Variants in KPNA3 observed in about 807,000 individuals in gnomAD.
KPNA3 encodes importin subunit alpha-4.
In KPNA3, 13 loss-of-function variants were observed where a neutral mutation model predicts 73.8. The observed-to-expected ratio is 0.18, with a 90% CI of 0.11 to 0.28. The LOEUF (loss-of-function observed/expected upper bound fraction) is 0.28, where lower values mean the gene tolerates loss of function less well. Among genes scored for constraint, KPNA3 ranks in the 10% least tolerant of loss-of-function variants. The pLI is 1.00. For missense variants in KPNA3, 360 were observed against 618.1 expected, an observed-to-expected ratio of 0.58 and a Z score of 4.43; for synonymous variants, 186 against 206.9, an observed-to-expected ratio of 0.90 and a Z score of 0.87.
intron 1 of KPNA3, among the ~76,000 whole-genome samples, chr13:49,780,479 G>A (rs1243256632): frequency 6.6e-6 from 1 of 152,040 alleles, no homozygotes; most frequent in African/African-American, 2.4e-5. Flanking sequence ...GAGACCTTGA[G>A]GGTTTTCTGT....
chr13:49,755,004 A>T (rs1329702446), intron 1 of KPNA3, among the ~76,000 whole-genome samples: 3 of 152,134 alleles, frequency 2.0e-5, no homozygotes, highest in African/African-American at 7.2e-5. Context: ...TACACTTCTC[A>T]ATTCACTTTA....
Position 49,701,400 on chromosome 13 carries a change from A to C in KPNA3, c.*400T>G. On this transcript the variant is annotated 3_prime_UTR_variant, in exon 17 of 17. Transcript: ENST00000261667. ...CACACTGCACCTCTTTAGTCTTCCA[A>C]CTTGTATATGCATCATACCAAAGTG... is the stretch of plus-strand genomic sequence containing the variant. 2.3e-6 allele frequency: 1 copy of C among 429,248 alleles called. No homozygotes were observed. Among genetic ancestry groups the C allele is most frequent in the Non-Finnish European group, 4.9e-6 (1 of 204,904 alleles). The allele number at this position is 429,248 out of a possible 1,614,324, so 26.6% of individuals were successfully genotyped here.
intron 12 of KPNA3, among the ~76,000 whole-genome samples, chr13:49,707,514 A>T (rs1327695523): frequency 1.3e-5 from 2 of 152,134 alleles, no homozygotes; most frequent in East Asian, 3.8e-4. Context: ...CAAGGCAAAA[A>T]ATTTTTGAAG....
chr13:49,746,686 C>T (rs1011388430), intron 2 of KPNA3, among the ~76,000 whole-genome samples: 2 of 152,054 alleles, frequency 1.3e-5, no homozygotes, highest in African/African-American at 4.8e-5. Flanking sequence ...AGAGGAAGCC[C>T]ACAGAAAGAG....
chr13:49,749,994 T>C (rs1954648676), intron 1 of KPNA3, among the ~76,000 whole-genome samples: 2 of 152,236 alleles, frequency 1.3e-5, no homozygotes, highest in Admixed American at 1.3e-4. Flanking sequence ...TACCCTCATG[T>C]CTGCAATTAC....
At chr13:49,791,321 G>A (rs1171337066) in intron 1 of KPNA3, among the ~76,000 whole-genome samples, 1 of 152,172 alleles carries the variant, frequency 6.6e-6, no homozygotes, top group African/African-American at 2.4e-5. Context: ...GAAGGCTGCG[G>A]CCTTAAAACC....
rs7998294 is a variant in KPNA3, at chr13:49,711,035, C to A, written c.772-13G>T. On this transcript the variant is annotated splice_polypyrimidine_tract_variant and intron_variant, in intron 10 of 16. Transcript: ENST00000261667. ...TGTCTACAAGAATCTACAGGAAACACAAAAGAAAAACCATTTTACATATTT... is the reference window on the plus strand; with the variant it reads ...TGTCTACAAGAATCTACAGGAAACAAAAAAGAAAAACCATTTTACATATTT... 2,336 of 1,594,064 alleles carry A rather than the reference C, an allele frequency of 1.5e-3. 29 individuals are homozygous for A. The African/African-American group carries it at 0.028, about 19-fold the overall frequency.
intron 9 of KPNA3, 67 bp from the exon 10 acceptor site, chr13:49,719,886 T>C: frequency 9.5e-7 from 1 of 1,056,956 alleles, no homozygotes; most frequent in Non-Finnish European, 1.4e-6. Context: ...TGAACAACTT[T>C]GACATAAAAA....
At chr13:49,729,572 CAGG>C (rs1212903451) in intron 6 of KPNA3, among the ~76,000 whole-genome samples, 2 of 152,084 alleles carry the variant, frequency 1.3e-5, no homozygotes, top group Non-Finnish European at 2.9e-5. Flanking sequence ...ATCACAAGGT[CAGG>C]AGATCGAGAC....
chr13:49,759,352 C>T (rs79014311), intron 1 of KPNA3, among the ~76,000 whole-genome samples: 1,544 of 152,252 alleles, frequency 0.01, 58 homozygotes, highest in East Asian at 0.076. Flanking sequence ...CAGCTGTTCC[C>T]AAACTTTTTG....
intron 6 of KPNA3, among the ~76,000 whole-genome samples, chr13:49,731,279 G>A (rs1954467395): frequency 7.3e-6 from 1 of 137,666 alleles, no homozygotes; most frequent in South Asian, 2.4e-4. Flanking sequence ...TGTAGAGCTG[G>A]GATGTTACCA....
chr13:49,768,854 T>C (rs1015904299), intron 1 of KPNA3, among the ~76,000 whole-genome samples: 2 of 152,218 alleles, frequency 1.3e-5, no homozygotes, highest in Non-Finnish European at 2.9e-5. Flanking sequence ...TCACTTTCTT[T>C]GTAGCTGCCT....
rs780711095 is a variant in KPNA3, at chr13:49,792,530, G to C, written c.-24C>G. 1 of 1,527,128 alleles carries C rather than the reference G, an allele frequency of 6.5e-7. No individual in the cohort carries two copies. The highest frequency in any genetic ancestry group is 8.8e-7 in the Non-Finnish European group (1 of 1,133,328). 94.6% of individuals were successfully genotyped at this position (1,527,128 alleles called of 1,614,324 possible). A position where few individuals can be genotyped will look rare whatever the true frequency, so the allele number is the denominator to read the frequency against. Reference sequence around the variant, plus strand: ...ATGGCTGCGCGCGGCTCCGGCGGCGGCTACTCCTGCGGCTGCGGCGGCGGC... The same window carrying C: ...ATGGCTGCGCGCGGCTCCGGCGGCGCCTACTCCTGCGGCTGCGGCGGCGGC... On this transcript the variant is annotated 5_prime_UTR_variant, in exon 1 of 17. Coordinates refer to ENST00000261667, the MANE Select transcript of KPNA3 (RefSeq NM_002267.4).
At chr13:49,755,348 T>C (rs1954701415) in intron 1 of KPNA3, among the ~76,000 whole-genome samples, 1 of 151,626 alleles carries the variant, frequency 6.6e-6, no homozygotes, top group Non-Finnish European at 1.5e-5. Context: ...GAGTTAACAT[T>C]CTAGTGGTGA....
intron 6 of KPNA3, among the ~76,000 whole-genome samples, chr13:49,728,366 G>A (rs1954431113): frequency 6.6e-6 from 1 of 152,124 alleles, no homozygotes; most frequent in South Asian, 2.1e-4. Flanking sequence ...ATTAACAGCA[G>A]AAACAATAAC....
intron 1 of KPNA3, among the ~76,000 whole-genome samples, chr13:49,765,112 C>G (rs1954798586): frequency 6.6e-6 from 1 of 152,196 alleles, no homozygotes; most frequent in Admixed American, 6.5e-5. Context: ...CAAACCCTTT[C>G]TAGGTTATCA....
chr13:49,766,544 A>G (rs1393050349), intron 1 of KPNA3, among the ~76,000 whole-genome samples: 3 of 152,220 alleles, frequency 2.0e-5, no homozygotes, highest in East Asian at 3.8e-4. Flanking sequence ...TAGCCTCTCT[A>G]TAAGAGTAAC....
intron 1 of KPNA3, among the ~76,000 whole-genome samples, chr13:49,762,673 C>T (rs1954777230): frequency 6.6e-6 from 1 of 151,850 alleles, no homozygotes; most frequent in Non-Finnish European, 1.5e-5. Flanking sequence ...GCTGCATGCT[C>T]GTTAAGAGTC....
In KPNA3 at chr13:49,731,818, T is replaced by A. The variant is rs182351404; in HGVS notation, c.383+553A>T. ...CCTCAAAAGATATCCAGTGGAGTTT[T>A]ACTCCTTCTCTCCTGGGTAAATATA... On this transcript the variant is annotated intron_variant, in intron 6 of 16. Coordinates refer to ENST00000261667, the MANE Select transcript of KPNA3 (RefSeq NM_002267.4). Among the ~76,000 whole-genome samples the A allele has an allele frequency of 9.3e-3, 1,414 of 152,352 alleles. 17 individuals are homozygous for A. Among genetic ancestry groups the A allele is most frequent in the African/African-American group, 0.032 (1,326 of 41,580 alleles).
Sources: allele counts gnomAD v4.1 joint callset (sites outside exome capture counted in the v4.1 genomes callset), GRCh38; gene constraint gnomAD v4.1.1; transcripts MANE v1.5; gene names NCBI Gene and HGNC (gene_info 2026-07-23, HGNC 2026-07-21).